ADGRL3: variants seen among roughly 807,000 people sequenced by gnomAD.
The protein encoded by ADGRL3 is adhesion G protein-coupled receptor L3.
Under a neutral mutation model 153.5 loss-of-function variants are expected in ADGRL3, and 62 were observed. The observed-to-expected ratio is 0.40, with a 90% confidence interval of 0.33 to 0.50. The LOEUF (loss-of-function observed/expected upper bound fraction) is 0.50, where lower values mean the gene tolerates loss of function less well. Among genes scored for constraint, ADGRL3 ranks in the 20% least tolerant of loss-of-function variants. The pLI is 0.47. For missense variants in ADGRL3, 1,641 were observed against 1,859.4 expected (o/e 0.88, Z 2.16); for synonymous variants, 710 against 672.5 (o/e 1.06, Z -0.86).
chr4:61,734,742 T>A (rs1166187960), intron 8 of ADGRL3, among the ~76,000 whole-genome samples: 4 of 152,178 alleles, frequency 2.6e-5, no homozygotes, highest in Non-Finnish European at 5.9e-5. Flanking sequence ...AATGGAAAAC[T>A]AAGATAGAGG....
chr4:61,633,167 C>T (rs2093266145), intron 5 of ADGRL3, among the ~76,000 whole-genome samples: 3 of 149,906 alleles, frequency 2.0e-5, no homozygotes, highest in South Asian at 4.3e-4. Context: ...AACTCTAATG[C>T]CAATTTTTCT....
chr4:61,286,862 T>G (rs569016935), intron 1 of ADGRL3, among the ~76,000 whole-genome samples: 2 of 151,818 alleles, frequency 1.3e-5, no homozygotes, highest in Non-Finnish European at 2.9e-5. Context: ...TCCTTACATT[T>G]CTTTTCTTAG....
At chr4:61,760,276 C>G (rs186186904) in intron 8 of ADGRL3, among the ~76,000 whole-genome samples, 2 of 152,286 alleles carry the variant, frequency 1.3e-5, no homozygotes, top group Admixed American at 1.3e-4. Flanking sequence ...CAGAGGTAGG[C>G]AGGCCTTCTT....
At position 61,900,469 on chromosome 4, in the gene ADGRL3, G is replaced by A. The variant is rs570714762; in HGVS notation, c.1887+4635G>A. On this transcript the variant is annotated intron_variant, in intron 11 of 26. Coordinates refer to ENST00000683033, the MANE Select transcript of ADGRL3 (RefSeq NM_001387552.1). ...CTTTTCACTAGAGAAGATGTAAGCT[G>A]TTAAAGTTAGAATATCACAAAGGAA... Among the ~76,000 whole-genome samples, 93 of 152,268 alleles carry A rather than the reference G, an allele frequency of 6.1e-4. 1 individual carries two copies. Among genetic ancestry groups the A allele is most frequent in the African/African-American group, 2.0e-3 (83 of 41,548 alleles).
At chr4:61,586,673 T>C (rs1005781603) in intron 4 of ADGRL3, among the ~76,000 whole-genome samples, 2 of 152,014 alleles carry the variant, frequency 1.3e-5, no homozygotes, top group Admixed American at 1.3e-4. Context: ...AAGGAAAATA[T>C]AACTTTTCCT....
chr4:61,867,652 T>G (rs540916745), intron 9 of ADGRL3, among the ~76,000 whole-genome samples: 1 of 151,064 alleles, frequency 6.6e-6, no homozygotes, highest in Non-Finnish European at 1.5e-5. Flanking sequence ...ATATGTTTTA[T>G]GTGACACAAG....
At chr4:61,696,752 T>C (rs1485101002) in intron 6 of ADGRL3, among the ~76,000 whole-genome samples, 2 of 141,240 alleles carry the variant, frequency 1.4e-5, no homozygotes, top group African/African-American at 2.6e-5. Context: ...CTCAGCTCAC[T>C]GCAACCTCTA....
intron 11 of ADGRL3, among the ~76,000 whole-genome samples, chr4:61,906,113 C>A (rs902553365): frequency 6.6e-6 from 1 of 151,100 alleles, no homozygotes; most frequent in Non-Finnish European, 1.5e-5. Context: ...TATATATTAT[C>A]TTTTTCACAA....
chr4:61,822,324 T>G (rs558931216), intron 9 of ADGRL3, among the ~76,000 whole-genome samples: 2 of 152,322 alleles, frequency 1.3e-5, no homozygotes, highest in East Asian at 1.9e-4. Context: ...AATTCCCATT[T>G]ATTAAGTATG....
intron 5 of ADGRL3, among the ~76,000 whole-genome samples, chr4:61,674,428 A>G (rs1007831341): frequency 2.0e-5 from 3 of 151,696 alleles, no homozygotes; most frequent in African/African-American, 4.8e-5. Context: ...ACAAGAGTAG[A>G]TATTGCTTCT....
chr4:61,831,588 G>A (rs1011322107), intron 9 of ADGRL3, among the ~76,000 whole-genome samples: 1 of 152,052 alleles, frequency 6.6e-6, no homozygotes, highest in African/African-American at 2.4e-5. Context: ...GGCATGGACA[G>A]CCTCTGAGAT....
chr4:61,750,420 G>T (rs776716329), intron 8 of ADGRL3, among the ~76,000 whole-genome samples: 1 of 152,160 alleles, frequency 6.6e-6, no homozygotes, highest in South Asian at 2.1e-4. Context: ...TTGTCACATT[G>T]CCTCCATCAG....
At chr4:61,869,967 AG>A (rs2098431819) in intron 9 of ADGRL3, among the ~76,000 whole-genome samples, 1 of 109,936 alleles carries the variant, frequency 9.1e-6, no homozygotes, top group Non-Finnish European at 1.9e-5. Flanking sequence ...AAAAAGAGAG[AG>A]AGAGAGAAAG....
At chr4:61,754,643 A>C (rs2096798711) in intron 8 of ADGRL3, among the ~76,000 whole-genome samples, 1 of 151,944 alleles carries the variant, frequency 6.6e-6, no homozygotes, top group African/African-American at 2.4e-5. Context: ...TTATACTTTA[A>C]GTTCTAGGGT....
At chr4:61,370,441 G>A (rs569314095) in intron 1 of ADGRL3, among the ~76,000 whole-genome samples, 10,995 of 151,374 alleles carry the variant, frequency 0.073, 1,306 homozygotes, top group African/African-American at 0.25. Context: ...CTTTGTTCTC[G>A]TTGGTTTGAA....
chr4:61,726,109 A>G (rs2096331418), intron 6 of ADGRL3, among the ~76,000 whole-genome samples: 1 of 152,042 alleles, frequency 6.6e-6, no homozygotes, highest in Non-Finnish European at 1.5e-5. Context: ...GGATTTTGAA[A>G]TATATTCATT....
chr4:62,045,709 G>T (rs1730768189), intron 25 of ADGRL3, among the ~76,000 whole-genome samples: 1 of 151,790 alleles, frequency 6.6e-6, no homozygotes, highest in Non-Finnish European at 1.5e-5. Flanking sequence ...TGTATTATTT[G>T]GGGCAACAAT....
intron 8 of ADGRL3, among the ~76,000 whole-genome samples, chr4:61,792,600 C>T (rs933899051): frequency 2.0e-5 from 3 of 151,752 alleles, no homozygotes; most frequent in Non-Finnish European, 2.9e-5. Flanking sequence ...AGTGATTCTC[C>T]TGCCTCAGCC....
chr4:61,835,688 A>G (rs2097924138), intron 9 of ADGRL3, among the ~76,000 whole-genome samples: 1 of 152,120 alleles, frequency 6.6e-6, no homozygotes, highest in South Asian at 2.1e-4. Flanking sequence ...GTTTAGAGAA[A>G]GGAAAATTCA....
Sources: gnomAD v4.1 joint callset for allele counts (sites outside exome capture counted in the v4.1 genomes callset) on GRCh38, gnomAD v4.1.1 for gene constraint, MANE v1.5 for transcripts, NCBI Gene and HGNC (gene_info 2026-07-23, HGNC 2026-07-21) for gene names.